The following LRRC49 variants were observed in gnomAD, a reference collection of about 807,000 sequenced individuals.
LRRC49 encodes the protein leucine rich repeat containing 49, also known as leucine-rich repeat-containing protein 49.
A neutral mutation model predicts 83.3 loss-of-function variants in LRRC49; 50 were observed. The ratio of observed to expected loss-of-function variants is 0.60; its 90% CI spans 0.48 to 0.76. LRRC49 has a LOEUF of 0.76. Among genes scored for constraint, LRRC49 ranks in the 30% least tolerant of loss-of-function variants. The pLI is 0.00. For synonymous variants in LRRC49, 286 were observed against 283.3 expected (o/e 1.01, Z -0.10); for missense variants, 704 against 809.1 (o/e 0.87, Z 1.58).
At chr15:70,982,824 G>A (rs1392347914) in intron 10 of LRRC49, among the ~76,000 whole-genome samples, 1 of 152,158 alleles carries the variant, frequency 6.6e-6, no homozygotes, top group African/African-American at 2.4e-5. Context: ...TAAAACTTTA[G>A]TTTTAATTAA....
At chr15:71,030,529 G>A (rs1480674322) in intron 14 of LRRC49, among the ~76,000 whole-genome samples, 9 of 152,120 alleles carry the variant, frequency 5.9e-5, no homozygotes, top group Admixed American at 5.9e-4. Context: ...TCTTAGTGGT[G>A]TTCTCTGTAT....
chr15:70,914,526 A>G (rs1050347529), intron 6 of LRRC49, among the ~76,000 whole-genome samples: 5 of 152,188 alleles, frequency 3.3e-5, no homozygotes, highest in African/African-American at 1.2e-4. Context: ...CTTGGCGAGA[A>G]GTGATGGTGG....
chr15:71,048,262 A>T (rs1429057961), intron 15 of LRRC49, among the ~76,000 whole-genome samples: 1 of 150,496 alleles, frequency 6.6e-6, no homozygotes, highest in Non-Finnish European at 1.5e-5. Context: ...TAAATTTTTT[A>T]TTCTTGTTTT....
At chr15:70,891,708 T>G, upstream of LRRC49, 1 of 782,058 alleles carries the variant, frequency 1.3e-6, no homozygotes, top group South Asian at 1.9e-5. Context: ...AGATCACCTC[T>G]AAAGCACACC....
intron 14 of LRRC49, among the ~76,000 whole-genome samples, chr15:71,022,721 C>G (rs1370035986): frequency 6.6e-6 from 1 of 152,102 alleles, no homozygotes; most frequent in African/African-American, 2.4e-5. Flanking sequence ...ACTACAAATC[C>G]ACAATTACAA....
intron 14 of LRRC49, among the ~76,000 whole-genome samples, chr15:71,034,030 C>G (rs1419194586): frequency 6.6e-6 from 1 of 152,060 alleles, no homozygotes; most frequent in Admixed American, 6.5e-5. Flanking sequence ...CAAAAATTGA[C>G]AAAGGGGATC....
chr15:70,990,992 G>T (rs1057370148), intron 11 of LRRC49, among the ~76,000 whole-genome samples: 1 of 152,172 alleles, frequency 6.6e-6, no homozygotes, highest in African/African-American at 2.4e-5. Flanking sequence ...TAAGCTTCAT[G>T]AGGAAAGGAA....
intron 2 of LRRC49, among the ~76,000 whole-genome samples, chr15:70,875,409 G>A (rs2033132469): frequency 6.6e-6 from 1 of 152,180 alleles, no homozygotes; most frequent in Non-Finnish European, 1.5e-5. Flanking sequence ...AATGTGTCAG[G>A]TGCTGTTCTA....
intron 11 of LRRC49, among the ~76,000 whole-genome samples, chr15:70,991,685 A>G (rs957819107): frequency 2.6e-5 from 4 of 152,242 alleles, no homozygotes; most frequent in Admixed American, 2.6e-4. Flanking sequence ...TAATTTTAAA[A>G]TAAAGCCTAA....
intron 7 of LRRC49, among the ~76,000 whole-genome samples, chr15:70,934,329 A>T (rs2035524078): frequency 6.6e-6 from 1 of 152,232 alleles, no homozygotes; most frequent in Non-Finnish European, 1.5e-5. Context: ...AAAATTGGAG[A>T]AAAGTTAACA....
At chr15:70,987,693 T>G (rs901244760) in intron 11 of LRRC49, among the ~76,000 whole-genome samples, 35 of 152,174 alleles carry the variant, frequency 2.3e-4, no homozygotes, top group Admixed American at 5.9e-4. Context: ...GAATGTGTTT[T>G]CTCTTGCTTT....
intron 1 of LRRC49, among the ~76,000 whole-genome samples, chr15:70,854,515 G>T (rs1002763651): frequency 1.3e-5 from 2 of 152,226 alleles, no homozygotes; most frequent in African/African-American, 2.4e-5. Flanking sequence ...GCTTGACTCC[G>T]GGGGTGGCAG....
intron 8 of LRRC49, among the ~76,000 whole-genome samples, chr15:70,961,360 CAT>C (rs1163592639): frequency 6.6e-6 from 1 of 152,172 alleles, no homozygotes; most frequent in African/African-American, 2.4e-5. Flanking sequence ...CTAAAATAAA[CAT>C]AGTCTTACTG....
chr15:70,917,138 T>C (rs2034813573), intron 6 of LRRC49, among the ~76,000 whole-genome samples: 1 of 152,142 alleles, frequency 6.6e-6, no homozygotes, highest in Admixed American at 6.5e-5. Context: ...CCAACAAGCA[T>C]AGAAGGGAAT....
At chr15:71,048,884 C>T (rs1323287504) in intron 15 of LRRC49, 1 of 455,014 alleles carries the variant, frequency 2.2e-6, no homozygotes, top group African/African-American at 2.0e-5. Context: ...TGTACACTTC[C>T]CCCCAACTTT....
At chr15:70,972,841 A>G (rs2037059742) in intron 9 of LRRC49, among the ~76,000 whole-genome samples, 1 of 151,956 alleles carries the variant, frequency 6.6e-6, no homozygotes, top group South Asian at 2.1e-4. Context: ...CCATCAGGTC[A>G]TTTATGTTCT....
intron 14 of LRRC49, among the ~76,000 whole-genome samples, chr15:71,018,051 A>AAGG (rs567872431): frequency 9.2e-5 from 14 of 152,198 alleles, no homozygotes; most frequent in Non-Finnish European, 1.5e-4. Context: ...ATGACTGTAA[A>AAGG]AGGAGGAGGA....
intron 9 of LRRC49, among the ~76,000 whole-genome samples, chr15:70,970,236 C>T (rs1375513089): frequency 6.6e-6 from 1 of 152,108 alleles, no homozygotes; most frequent in Non-Finnish European, 1.5e-5. Flanking sequence ...TTGAGATAAT[C>T]ATATGGTTTT....
At chr15:70,973,735 C>T (rs1596084876) in intron 9 of LRRC49, among the ~76,000 whole-genome samples, 1 of 152,198 alleles carries the variant, frequency 6.6e-6, no homozygotes, top group East Asian at 1.9e-4. Flanking sequence ...CTTTGTGGCA[C>T]TGTGGTTTTT....
Sources: allele counts gnomAD v4.1 joint callset (sites outside exome capture counted in the v4.1 genomes callset), GRCh38; gene constraint gnomAD v4.1.1; transcripts MANE v1.5; gene names NCBI Gene and HGNC (gene_info 2026-07-23, HGNC 2026-07-21).